CACNA1E: variants seen among roughly 807,000 people sequenced by gnomAD.
CACNA1E encodes calcium voltage-gated channel subunit alpha1 E, also known as voltage-dependent R-type calcium channel subunit alpha-1E.
A neutral mutation model predicts 259.2 loss-of-function variants in CACNA1E; 40 were observed. The ratio of observed to expected loss-of-function variants is 0.15; its 90% CI spans 0.12 to 0.20. The LOEUF (loss-of-function observed/expected upper bound fraction) is 0.20, where lower values mean the gene tolerates loss of function less well. CACNA1E is among the 10% of genes least tolerant of loss of function. CACNA1E has a pLI of 1.00. For synonymous variants in CACNA1E, 1,104 were observed against 1,138.5 expected, an observed-to-expected ratio of 0.97 and a Z score of 0.61; for missense variants, 1,874 against 3,040.1, an observed-to-expected ratio of 0.62 and a Z score of 9.02.
At chr1:181,651,203 T>A (rs1170190331) in intron 6 of CACNA1E, 135 bp from the exon 7 acceptor site, 1 of 602,776 alleles carries the variant, frequency 1.7e-6, no homozygotes, top group Admixed American at 3.0e-5. Context: ...AATACCAAAT[T>A]GGGAATGGAG....
At chr1:181,503,915 C>T (rs1191483661) in intron 1 of CACNA1E, among the ~76,000 whole-genome samples, 1 of 152,150 alleles carries the variant, frequency 6.6e-6, no homozygotes, top group Non-Finnish European at 1.5e-5. Context: ...GAAGAAGATT[C>T]TGAAGTTACA....
At chr1:181,712,010 G>A (rs2102430618) in intron 8 of CACNA1E, among the ~76,000 whole-genome samples, 1 of 152,310 alleles carries the variant, frequency 6.6e-6, no homozygotes, top group Middle Eastern at 3.4e-3. Context: ...CGCCATCTAG[G>A]GAGGAGATAA....
intron 1 of CACNA1E, among the ~76,000 whole-genome samples, chr1:181,318,663 GGC>G (rs1650104080): frequency 6.6e-6 from 1 of 152,210 alleles, no homozygotes; most frequent in South Asian, 2.1e-4. Flanking sequence ...TGGTGGGGAG[GGC>G]GCGCGGGCCA....
intron 21 of CACNA1E, among the ~76,000 whole-genome samples, 161 bp from the exon 22 acceptor site, chr1:181,736,114 C>T (rs1430063860): frequency 6.6e-6 from 1 of 152,188 alleles, no homozygotes; most frequent in Non-Finnish European, 1.5e-5. Flanking sequence ...GAGTTTAACT[C>T]AGTGTCAGGT....
chr1:181,694,282 A>C (rs1441462066), intron 7 of CACNA1E, among the ~76,000 whole-genome samples: 4 of 152,368 alleles, frequency 2.6e-5, no homozygotes, highest in Non-Finnish European at 2.9e-5. Context: ...ATGTGCAAAA[A>C]TAACTTAAAA....
rs575738222 is a variant in CACNA1E, at chr1:181,371,676, A to G, written c.-14-41457A>G. ...ATCTTTGCCAAGGCCTATGTTCAGAATGGTATTTCCTAGGTTTTCTATTAG... is the reference window on the plus strand; with the variant it reads ...ATCTTTGCCAAGGCCTATGTTCAGAGTGGTATTTCCTAGGTTTTCTATTAG... On this transcript the variant is annotated intron_variant, in intron 1 of 11. Transcript: ENST00000524607. Among the ~76,000 whole-genome samples the G allele has an allele frequency of 9.8e-5, 15 of 152,324 alleles. No individual in the cohort carries two copies. The South Asian group carries it at 2.1e-3, about 21-fold the overall frequency.
chr1:181,716,430 G>A (rs1287111591), intron 10 of CACNA1E, among the ~76,000 whole-genome samples: 1 of 152,152 alleles, frequency 6.6e-6, no homozygotes, highest in Admixed American at 6.5e-5. Context: ...CCTCTCCTGG[G>A]AGTGATGATG....
chr1:181,730,647 G>T (rs934487107), intron 18 of CACNA1E, among the ~76,000 whole-genome samples: 2 of 152,226 alleles, frequency 1.3e-5, no homozygotes, highest in African/African-American at 4.8e-5. Flanking sequence ...TCTGACCATG[G>T]ACCACTTCGT....
intron 35 of CACNA1E, among the ~76,000 whole-genome samples, chr1:181,770,229 G>A (rs1659386012): frequency 6.6e-6 from 1 of 152,146 alleles, no homozygotes. Flanking sequence ...TCAAATGACT[G>A]GAAAAGTAAC....
intron 7 of CACNA1E, among the ~76,000 whole-genome samples, chr1:181,662,684 C>T (rs1309486366): frequency 3.3e-5 from 5 of 152,158 alleles, no homozygotes; most frequent in Admixed American, 6.5e-5. Flanking sequence ...ATTTCTTTCT[C>T]AAGAGCCTGG....
intron 1 of CACNA1E, among the ~76,000 whole-genome samples, chr1:181,394,174 T>C (rs1378028647): frequency 6.6e-6 from 1 of 152,224 alleles, no homozygotes; most frequent in African/African-American, 2.4e-5. Context: ...GAGTTTACTT[T>C]ATCTCCAGCC....
At chr1:181,515,648 T>G (rs1666524294) in intron 3 of CACNA1E, among the ~76,000 whole-genome samples, 1 of 152,198 alleles carries the variant, frequency 6.6e-6, no homozygotes, top group Non-Finnish European at 1.5e-5. Context: ...GAATTCCAAA[T>G]TAGTTGAAGT....
chr1:181,640,034 A>G (rs1657609545), intron 6 of CACNA1E, among the ~76,000 whole-genome samples: 2 of 152,190 alleles, frequency 1.3e-5, no homozygotes, highest in East Asian at 1.9e-4. Context: ...GGAATTCGGC[A>G]TCAGTGTCCC....
intron 3 of CACNA1E, among the ~76,000 whole-genome samples, chr1:181,517,572 T>C (rs533598052): frequency 6.6e-6 from 1 of 151,876 alleles, no homozygotes; most frequent in Admixed American, 6.6e-5. Flanking sequence ...CATCCTTAGC[T>C]GCAGTTTGGG....
At chr1:181,455,840 G>A (rs1661430426) in intron 2 of CACNA1E, among the ~76,000 whole-genome samples, 1 of 152,178 alleles carries the variant, frequency 6.6e-6, no homozygotes, top group South Asian at 2.1e-4. Flanking sequence ...TGTGTCCCTA[G>A]CTCTGTGAGG....
intron 38 of CACNA1E, among the ~76,000 whole-genome samples, chr1:181,778,845 C>A (rs1011798889): frequency 6.6e-6 from 1 of 152,176 alleles, no homozygotes; most frequent in Non-Finnish European, 1.5e-5. Context: ...CTTGCCCAAG[C>A]TGAACGCAGA....
At chr1:181,457,381 A>G (rs1661527745) in intron 2 of CACNA1E, among the ~76,000 whole-genome samples, 1 of 152,260 alleles carries the variant, frequency 6.6e-6, no homozygotes, top group Non-Finnish European at 1.5e-5. Flanking sequence ...CCATCAAAAC[A>G]AGGAGGAAGA....
chr1:181,356,637 G>A (rs1477243678), intron 1 of CACNA1E, among the ~76,000 whole-genome samples: 1 of 152,184 alleles, frequency 6.6e-6, no homozygotes, highest in African/African-American at 2.4e-5. Flanking sequence ...TGCTCTGAAG[G>A]GCACTTAGGC....
At chr1:181,629,394 G>A (rs1656490950) in intron 6 of CACNA1E, among the ~76,000 whole-genome samples, 1 of 152,142 alleles carries the variant, frequency 6.6e-6, no homozygotes, top group Non-Finnish European at 1.5e-5. Context: ...TACACTTGTG[G>A]AGTTTCTGTA....
Sources: gnomAD v4.1 joint callset for allele counts (sites outside exome capture counted in the v4.1 genomes callset) on GRCh38, gnomAD v4.1.1 for gene constraint, MANE v1.5 for transcripts, NCBI Gene and HGNC (gene_info 2026-07-23, HGNC 2026-07-21) for gene names.